Variants in USP31 observed in about 807,000 individuals in gnomAD.
The protein encoded by USP31 is ubiquitin carboxyl-terminal hydrolase 31.
In USP31, 44 loss-of-function variants were observed where a neutral mutation model predicts 119.4. The ratio of observed to expected loss-of-function variants is 0.37; its 90% CI spans 0.29 to 0.47. USP31 has a LOEUF of 0.47. Among genes scored for constraint, USP31 ranks in the 20% least tolerant of loss-of-function variants. The pLI is 0.99. For missense variants in USP31, 1,643 were observed against 1,730.2 expected (o/e 0.95, Z 0.89); for synonymous variants, 749 against 705.6 (o/e 1.06, Z -0.97).
At chr16:23,094,566 T>A (rs568747316) in intron 6 of USP31, among the ~76,000 whole-genome samples, 24 of 152,306 alleles carry the variant, frequency 1.6e-4, no homozygotes, top group Middle Eastern at 3.4e-3. Context: ...CTGACTCCCA[T>A]GTAGCCTAAC....
intron 1 of USP31, among the ~76,000 whole-genome samples, chr16:23,117,104 T>C (rs954164665): frequency 2.6e-5 from 4 of 152,220 alleles, no homozygotes; most frequent in Admixed American, 2.0e-4. Flanking sequence ...ATGTAAGTAC[T>C]CAGAAAGTTT....
At chr16:23,083,465 G>A (rs1900929164) in intron 11 of USP31, among the ~76,000 whole-genome samples, 1 of 151,894 alleles carries the variant, frequency 6.6e-6, no homozygotes, top group Non-Finnish European at 1.5e-5. Context: ...CTGAATGAAT[G>A]AGCCCCTGTT....
intron 1 of USP31, among the ~76,000 whole-genome samples, chr16:23,112,785 T>G (rs1902363666): frequency 6.6e-6 from 1 of 151,566 alleles, no homozygotes; most frequent in Non-Finnish European, 1.5e-5. Flanking sequence ...TCCCAGCACT[T>G]TGGGAGGTTG....
At chr16:23,079,609 G>C (rs1027865713) in intron 13 of USP31, 1 of 197,614 alleles carries the variant, frequency 5.1e-6, no homozygotes, top group African/African-American at 2.3e-5. Flanking sequence ...AAATGAGAGA[G>C]AAGATAGAAC....
chr16:23,067,958 A>G lies in USP31; in HGVS notation c.*88T>C. Reference sequence around the variant, plus strand: ...GGGCACGTGACTCAAAAAAGTACAAAACAAAAGCACAGGAGGCTTTGGTGG... The same window carrying G: ...GGGCACGTGACTCAAAAAAGTACAAGACAAAAGCACAGGAGGCTTTGGTGG... On this transcript the variant is annotated 3_prime_UTR_variant, in exon 16 of 16. Coordinates refer to ENST00000219689, the MANE Select transcript of USP31 (RefSeq NM_020718.4). 6.7e-7 allele frequency: 1 copy of G among 1,500,112 alleles called. No individual in the cohort carries two copies. Among genetic ancestry groups the G allele is most frequent in the African/African-American group, 1.4e-5 (1 of 71,512 alleles). 92.9% of individuals were successfully genotyped at this position (1,500,112 alleles called of 1,614,324 possible).
intron 1 of USP31, among the ~76,000 whole-genome samples, chr16:23,113,934 ATCTC>A (rs1902403799): frequency 6.6e-6 from 1 of 152,112 alleles, no homozygotes; most frequent in African/African-American, 2.4e-5. Flanking sequence ...GTGAAACCCC[ATCTC>A]TACTAAAAAT....
chr16:23,109,315 T>C (rs1362982880), intron 1 of USP31, among the ~76,000 whole-genome samples: 1 of 152,084 alleles, frequency 6.6e-6, no homozygotes, highest in Non-Finnish European at 1.5e-5. Flanking sequence ...TCGAGGACAC[T>C]GGGACACGGG....
intron 1 of USP31, among the ~76,000 whole-genome samples, chr16:23,124,501 C>T (rs984335853): frequency 6.6e-6 from 1 of 152,156 alleles, no homozygotes; most frequent in Admixed American, 6.5e-5. Context: ...GTGCCCTCTC[C>T]GGGACATACT....
chr16:23,140,736 C>T (rs1023918892), intron 1 of USP31, among the ~76,000 whole-genome samples: 25 of 152,176 alleles, frequency 1.6e-4, no homozygotes, highest in African/African-American at 6.0e-4. Flanking sequence ...TTTAACATAT[C>T]TGAACCTGAA....
At chr16:23,148,465 A>AAATG (rs1054404163) in intron 1 of USP31, among the ~76,000 whole-genome samples, 173 bp downstream of exon 1, 6 of 152,368 alleles carry the variant, frequency 3.9e-5, no homozygotes, top group South Asian at 2.1e-4. Context: ...GTGAGTGAAT[A>AAATG]AATGAATGAA....
At chr16:23,075,489 T>C (rs1900528136) in intron 13 of USP31, among the ~76,000 whole-genome samples, 1 of 152,214 alleles carries the variant, frequency 6.6e-6, no homozygotes, top group Non-Finnish European at 1.5e-5. Context: ...TTCTGAAGTA[T>C]TCTCTAGGCC....
At chr16:23,130,775 T>C (rs1016931346) in intron 1 of USP31, among the ~76,000 whole-genome samples, 1 of 152,118 alleles carries the variant, frequency 6.6e-6, no homozygotes, top group Non-Finnish European at 1.5e-5. Context: ...CCACCCCAGA[T>C]CAAGATACTT....
chr16:23,137,309 T>C (rs1049981040), intron 1 of USP31, among the ~76,000 whole-genome samples: 1 of 152,188 alleles, frequency 6.6e-6, no homozygotes. Flanking sequence ...TTGGTGAAGA[T>C]GCAGAAAAAT....
rs1187459122 is a variant in USP31 at position 23,141,955 on chromosome 16, CTCT to C, written c.633+6680_633+6682del. Among the ~76,000 whole-genome samples, 1,407 of 152,324 alleles carry C rather than the reference CTCT, an allele frequency of 9.2e-3. 17 individuals are homozygous for C. Among genetic ancestry groups the C allele is most frequent in the African/African-American group, 0.029 (1,220 of 41,566 alleles). On this transcript the variant is annotated intron_variant, in intron 1 of 15. Coordinates refer to ENST00000219689, the MANE Select transcript of USP31 (RefSeq NM_020718.4). ...ACTTTCATACACAATGATCTCACCT[CTCT>C]CTCAGCTCCCAGTGAACTTTCCTCA...
At chr16:23,129,516 G>T (rs1286767534) in intron 1 of USP31, among the ~76,000 whole-genome samples, 1 of 152,138 alleles carries the variant, frequency 6.6e-6, no homozygotes, top group Non-Finnish European at 1.5e-5. Context: ...TTTGGAAGCT[G>T]CTTCAAAAGT....
rs72772501 is a variant in USP31, at chr16:23,067,578, G to A, written c.*468C>T. Reference sequence around the variant, plus strand: ...TCCCTCGATTTGTTTCGTTGTTAGAGTCACAGTTTTTAGAGCTCCTGGTGC... The same window carrying A: ...TCCCTCGATTTGTTTCGTTGTTAGAATCACAGTTTTTAGAGCTCCTGGTGC... On this transcript the variant is annotated 3_prime_UTR_variant, in exon 16 of 16. Coordinates refer to ENST00000219689, the MANE Select transcript of USP31 (RefSeq NM_020718.4). The A allele has an allele frequency of 9.5e-3, 1,478 of 154,844 alleles. 17 individuals are homozygous for A. The highest frequency in any genetic ancestry group is 0.012 in the Non-Finnish European group (824 of 69,582). The allele number at this position is 154,844 out of a possible 1,614,324, so 9.6% of individuals were successfully genotyped here. A position where few individuals can be genotyped will look rare whatever the true frequency, so the allele number is the denominator to read the frequency against.
chr16:23,092,964 G>A (rs1028986375), intron 6 of USP31, among the ~76,000 whole-genome samples: 2 of 152,074 alleles, frequency 1.3e-5, no homozygotes, highest in African/African-American at 2.4e-5. Context: ...AAATGGTGCT[G>A]GGACAAGTAA....
intron 1 of USP31, among the ~76,000 whole-genome samples, chr16:23,120,186 C>T (rs147582322): frequency 1.2e-4 from 19 of 152,122 alleles, no homozygotes; most frequent in African/African-American, 3.9e-4. Context: ...TTACAATCAA[C>T]ACAAAAAAGC....
chr16:23,068,692 G>A lies in USP31; in HGVS notation c.3413C>T (p.Thr1138Ile). The A allele has an allele frequency of 6.2e-7, 1 of 1,614,144 alleles. No individual in the cohort carries two copies. The highest frequency in any genetic ancestry group is 8.5e-7 in the Non-Finnish European group (1 of 1,180,004). Residue 1138 changes from threonine to isoleucine, a missense_variant, in exon 16 of 16, where the codon ACA becomes ATA. Thr to Ile is a moderately conservative substitution (Grantham distance 89, BLOSUM62 -1). Transcript: ENST00000219689. ...CTTCCCAGGTGGGAAAGGGCTCCTT[G>A]TGGCAGGGCCCGAGGCCTTTTTGGC... ...TSAKKASGPA[T>I]RSPFPPGKSR...
Sources: allele counts gnomAD v4.1 joint callset (sites outside exome capture counted in the v4.1 genomes callset), GRCh38; gene constraint gnomAD v4.1.1; transcripts MANE v1.5; gene names NCBI Gene and HGNC (gene_info 2026-07-23, HGNC 2026-07-21).